Variants in SIPA1L1 observed in about 807,000 individuals in gnomAD.
The protein encoded by SIPA1L1 is signal induced proliferation associated 1 like 1.
A neutral mutation model predicts 162.7 loss-of-function variants in SIPA1L1; 26 were observed. The ratio of observed to expected loss-of-function variants is 0.16; its 90% CI spans 0.12 to 0.22. The LOEUF (loss-of-function observed/expected upper bound fraction) is 0.22. Among genes scored for constraint, SIPA1L1 ranks in the 10% least tolerant of loss-of-function variants. The pLI, the probability that SIPA1L1 is intolerant of heterozygous loss-of-function variation, is 1.00. For missense variants in SIPA1L1, 1,874 were observed against 2,241.0 expected, an observed-to-expected ratio of 0.84 and a Z score of 3.31; for synonymous variants, 829 against 837.4, an observed-to-expected ratio of 0.99 and a Z score of 0.17.
intron 2 of SIPA1L1, among the ~76,000 whole-genome samples, chr14:71,425,966 T>C (rs531789602): frequency 9.2e-5 from 14 of 152,294 alleles, no homozygotes; most frequent in African/African-American, 3.1e-4. Flanking sequence ...AATGTAAGCG[T>C]TTTTGACCTA....
intron 4 of SIPA1L1, among the ~76,000 whole-genome samples, chr14:71,550,706 A>G (rs1399111002): frequency 6.6e-6 from 1 of 151,964 alleles, no homozygotes; most frequent in African/African-American, 2.4e-5. Context: ...AACTCTTCAG[A>G]CTTGTATTTC....
At chr14:71,359,094 T>C (rs1163871379) in intron 2 of SIPA1L1, among the ~76,000 whole-genome samples, 1 of 152,206 alleles carries the variant, frequency 6.6e-6, no homozygotes, top group Non-Finnish European at 1.5e-5. Flanking sequence ...TCATCTTGAA[T>C]TGAGGTTCTC....
chr14:71,616,066 T>C (rs1331091645), intron 5 of SIPA1L1, among the ~76,000 whole-genome samples: 1 of 152,150 alleles, frequency 6.6e-6, no homozygotes, highest in East Asian at 1.9e-4. Context: ...AGAGGACATG[T>C]AGACCTCTGA....
chr14:71,453,705 TG>T (rs2141624070), intron 2 of SIPA1L1, among the ~76,000 whole-genome samples: 1 of 152,148 alleles, frequency 6.6e-6, no homozygotes, highest in African/African-American at 2.4e-5. Context: ...AAATCTTAGA[TG>T]GAGGAGGCCG....
chr14:71,672,275 A>G (rs1170936445), intron 11 of SIPA1L1, 73 bp from the exon 12 acceptor site: 30 of 1,492,808 alleles, frequency 2.0e-5, no homozygotes, highest in Non-Finnish European at 2.6e-5. Flanking sequence ...GCTTGCAATG[A>G]TTTTCCAGTT....
chr14:71,381,591 G>C (rs1289240424), intron 2 of SIPA1L1, among the ~76,000 whole-genome samples: 1 of 152,176 alleles, frequency 6.6e-6, no homozygotes, highest in Non-Finnish European at 1.5e-5. Context: ...AAATCGGGTG[G>C]ATTCTTGTTT....
intron 5 of SIPA1L1, among the ~76,000 whole-genome samples, chr14:71,605,744 C>T (rs779844383): frequency 7.2e-5 from 11 of 152,280 alleles, no homozygotes; most frequent in African/African-American, 2.2e-4. Context: ...GGCCAATCGT[C>T]GAGTCCAGTG....
chr14:71,528,507 T>G (rs181798989), intron 3 of SIPA1L1, among the ~76,000 whole-genome samples: 12 of 151,792 alleles, frequency 7.9e-5, no homozygotes, highest in African/African-American at 2.9e-4. Flanking sequence ...ATACAAAAAT[T>G]AGCTGGGCGT....
At chr14:71,502,255 A>AAATAT (rs67020418) in intron 2 of SIPA1L1, among the ~76,000 whole-genome samples, 68 of 97,544 alleles carry the variant, frequency 7.0e-4, no homozygotes, top group East Asian at 2.1e-3. Context: ...AAAAAAAAAA[A>AAATAT]ATATATATAT....
At chr14:71,326,715 C>CTTTTT (rs34173331) in intron 2 of SIPA1L1, among the ~76,000 whole-genome samples, 20 of 107,424 alleles carry the variant, frequency 1.9e-4, no homozygotes, top group African/African-American at 2.1e-4. Flanking sequence ...ATGTAATTTG[C>CTTTTT]TTTTTTTTTT....
intron 8 of SIPA1L1, among the ~76,000 whole-genome samples, chr14:71,656,883 C>CA (rs1294562262): frequency 6.6e-6 from 1 of 152,218 alleles, no homozygotes; most frequent in Non-Finnish European, 1.5e-5. Context: ...GCCCTATACC[C>CA]ACTGAGGAGT....
intron 2 of SIPA1L1, chr14:71,330,345 AG>A: frequency 1.2e-6 from 1 of 829,930 alleles, no homozygotes; most frequent in Non-Finnish European, 2.1e-6. Context: ...TCTAGTGCAC[AG>A]TCCTCTCTTT....
intron 4 of SIPA1L1, chr14:71,574,720 G>T (rs947596771): frequency 7.2e-6 from 1 of 139,188 alleles, no homozygotes; most frequent in Non-Finnish European, 1.6e-5. Context: ...AAAAAAAAAA[G>T]ACTTCCTGCC....
chr14:71,399,821 A>G (rs2041521439), intron 2 of SIPA1L1, among the ~76,000 whole-genome samples: 1 of 151,900 alleles, frequency 6.6e-6, no homozygotes, highest in Admixed American at 6.6e-5. Context: ...CTCGGGTTCA[A>G]GCGATTCTCC....
chr14:71,460,926 T>A (rs564888911), intron 2 of SIPA1L1, among the ~76,000 whole-genome samples: 1 of 152,334 alleles, frequency 6.6e-6, no homozygotes, highest in South Asian at 2.1e-4. Flanking sequence ...GTTCTATCAA[T>A]CCAGCTGCTT....
chr14:71,328,909 T>G (rs1293615775), intron 2 of SIPA1L1, among the ~76,000 whole-genome samples: 2 of 152,240 alleles, frequency 1.3e-5, no homozygotes, highest in African/African-American at 4.8e-5. Context: ...TCTGAAACTC[T>G]GTAAGCATTA....
chr14:71,666,241 AC>A (rs1233404065), intron 10 of SIPA1L1, among the ~76,000 whole-genome samples: 1 of 152,248 alleles, frequency 6.6e-6, no homozygotes, highest in Non-Finnish European at 1.5e-5. Context: ...TATAGGAAAT[AC>A]AAAAGACAGA....
At chr14:71,442,359 C>T (rs2044962311) in intron 2 of SIPA1L1, among the ~76,000 whole-genome samples, 3 of 151,560 alleles carry the variant, frequency 2.0e-5, no homozygotes, top group Admixed American at 2.0e-4. Flanking sequence ...GATTCAAAGC[C>T]CAGAGTATAG....
intron 2 of SIPA1L1, among the ~76,000 whole-genome samples, chr14:71,384,502 T>C (rs2040162543): frequency 2.6e-5 from 4 of 152,198 alleles, no homozygotes; most frequent in Admixed American, 2.6e-4. Flanking sequence ...CTGGAGCTTC[T>C]GGGCTTTTCT....
Sources: gnomAD v4.1 joint callset for allele counts (sites outside exome capture counted in the v4.1 genomes callset) on GRCh38, gnomAD v4.1.1 for gene constraint, MANE v1.5 for transcripts, NCBI Gene and HGNC (gene_info 2026-07-23, HGNC 2026-07-21) for gene names.